The following RNGTT variants were observed in gnomAD, a reference collection of about 807,000 sequenced individuals.
The protein encoded by RNGTT is RNA guanylyltransferase and 5'-phosphatase, also known as mRNA-capping enzyme.
Under a neutral mutation model 79.3 loss-of-function variants are expected in RNGTT, and 33 were observed. The observed-to-expected ratio is 0.42, with a 90% CI of 0.32 to 0.56. The LOEUF is 0.56. RNGTT is among the 20% of genes least tolerant of loss of function. The pLI is 0.17. For synonymous variants in RNGTT, 222 were observed against 235.9 expected (o/e 0.94, Z 0.54); for missense variants, 497 against 739.1 (o/e 0.67, Z 3.80).
At chr6:88,843,132 C>T (rs1487375325) in intron 11 of RNGTT, among the ~76,000 whole-genome samples, 1 of 145,804 alleles carries the variant, frequency 6.9e-6, no homozygotes, top group Non-Finnish European at 1.5e-5. Context: ...TTACAATACA[C>T]TGCCTTGCCT....
At chr6:88,937,495 A>T (rs538317149) in intron 2 of RNGTT, among the ~76,000 whole-genome samples, 187 of 152,190 alleles carry the variant, frequency 1.2e-3, no homozygotes, top group African/African-American at 4.3e-3. Flanking sequence ...TCCTTTCAAA[A>T]AAACCAACTT....
At chr6:88,945,183 A>AAGGTATAG (rs1784969131) in intron 1 of RNGTT, among the ~76,000 whole-genome samples, 1 of 152,164 alleles carries the variant, frequency 6.6e-6, no homozygotes, top group South Asian at 2.1e-4. Context: ...CTCTATCCGA[A>AAGGTATAG]AGGTAGGAAA....
chr6:88,939,264 C>G (rs1784770559), intron 2 of RNGTT, among the ~76,000 whole-genome samples: 1 of 152,152 alleles, frequency 6.6e-6, no homozygotes, highest in African/African-American at 2.4e-5. Context: ...TTTCTGGTGT[C>G]CTATATCTCA....
At chr6:88,770,540 A>G (rs967848573) in intron 12 of RNGTT, among the ~76,000 whole-genome samples, 4 of 152,174 alleles carry the variant, frequency 2.6e-5, no homozygotes, top group African/African-American at 9.7e-5. Flanking sequence ...TTGTTTACAC[A>G]TTTACAAGGT....
chr6:88,813,829 C>T (rs1780222455), intron 11 of RNGTT, among the ~76,000 whole-genome samples: 1 of 152,174 alleles, frequency 6.6e-6, no homozygotes, highest in South Asian at 2.1e-4. Flanking sequence ...CCATCACAAG[C>T]TTTTCCCATC....
intron 8 of RNGTT, among the ~76,000 whole-genome samples, chr6:88,886,931 C>A (rs1187575377): frequency 6.6e-6 from 1 of 151,592 alleles, no homozygotes; most frequent in Non-Finnish European, 1.5e-5. Context: ...CCACTCCAGG[C>A]AGGGTTCAAT....
chr6:88,886,661 A>T (rs891532686), intron 8 of RNGTT, among the ~76,000 whole-genome samples: 3 of 152,216 alleles, frequency 2.0e-5, no homozygotes, highest in African/African-American at 7.2e-5. Context: ...AAAACTAAAG[A>T]CATCTCATTT....
At chr6:88,906,040 G>A (rs976986542) in intron 5 of RNGTT, among the ~76,000 whole-genome samples, 6 of 152,158 alleles carry the variant, frequency 3.9e-5, no homozygotes, top group African/African-American at 1.4e-4. Flanking sequence ...CCAGCTACTT[G>A]AGAGGCTGAG....
chr6:88,910,592 G>A (rs1006807149), intron 4 of RNGTT, among the ~76,000 whole-genome samples: 2 of 152,210 alleles, frequency 1.3e-5, no homozygotes, highest in Non-Finnish European at 2.9e-5. Context: ...CCACAAAAAT[G>A]TCTCCAAAGT....
intron 13 of RNGTT, among the ~76,000 whole-genome samples, chr6:88,703,444 A>G (rs867003711): frequency 1.3e-5 from 2 of 152,212 alleles, no homozygotes; most frequent in Non-Finnish European, 2.9e-5. Flanking sequence ...GAATTAACGC[A>G]GGAACAGAAA....
chr6:88,869,878 T>C (rs1240891079), intron 8 of RNGTT, among the ~76,000 whole-genome samples: 1 of 152,164 alleles, frequency 6.6e-6, no homozygotes, highest in African/African-American at 2.4e-5. Flanking sequence ...TTATATATTA[T>C]ATCCTGCAAC....
chr6:88,772,769 G>T (rs1778733865), intron 12 of RNGTT, among the ~76,000 whole-genome samples: 2 of 151,694 alleles, frequency 1.3e-5, no homozygotes, highest in Admixed American at 1.3e-4. Flanking sequence ...ACCACAATGA[G>T]ATATCATCTC....
intron 13 of RNGTT, among the ~76,000 whole-genome samples, chr6:88,703,104 A>G (rs1776000294): frequency 6.6e-6 from 1 of 152,198 alleles, no homozygotes; most frequent in Admixed American, 6.5e-5. Flanking sequence ...ACTTGGGAGG[A>G]ATGTAAAGTA....
At chr6:88,925,594 T>TAA (rs35542749) in intron 4 of RNGTT, among the ~76,000 whole-genome samples, 12 of 111,890 alleles carry the variant, frequency 1.1e-4, no homozygotes, top group East Asian at 8.7e-4. Context: ...CCTTACCTCA[T>TAA]AAAAAAAAAA....
intron 13 of RNGTT, among the ~76,000 whole-genome samples, chr6:88,754,074 G>A (rs1189527444): frequency 6.6e-6 from 1 of 152,058 alleles, no homozygotes; most frequent in Non-Finnish European, 1.5e-5. Flanking sequence ...AGAAGACAAA[G>A]ACTACTTGGA....
In RNGTT at chr6:88,613,155, C is replaced by T. The variant is rs370355704; in HGVS notation, c.1631-273G>A. 2.3e-4 allele frequency among the ~76,000 whole-genome samples: 35 copies of T among 152,326 alleles called. No homozygotes were observed. In the South Asian group the frequency reaches 6.8e-3, roughly 30 times the overall value. On this transcript the variant is annotated intron_variant, in intron 15 of 15. Transcript: ENST00000369485. The stretch of plus-strand genomic sequence containing the variant: ...CTTCCCCACGGTTTTCTATCCCTCC[C>T]AAACCAGTTTTTATGGGATTTTAAT...
intron 1 of RNGTT, among the ~76,000 whole-genome samples, chr6:88,957,640 T>C (rs1009345611): frequency 3.3e-5 from 5 of 151,740 alleles, no homozygotes; most frequent in East Asian, 3.9e-4. Context: ...AAAAAAATAA[T>C]AACAATAGAA....
chr6:88,930,152 A>G, intron 2 of RNGTT, among the ~76,000 whole-genome samples: 1 of 148,238 alleles, frequency 6.7e-6, no homozygotes, highest in South Asian at 2.1e-4. Flanking sequence ...ACATATACGT[A>G]CATACATATA....
chr6:88,787,759 G>A (rs1779280085), intron 12 of RNGTT, among the ~76,000 whole-genome samples: 1 of 152,124 alleles, frequency 6.6e-6, no homozygotes, highest in South Asian at 2.1e-4. Flanking sequence ...TCCAGCAAGA[G>A]GCAATGAATG....
Sources: allele counts gnomAD v4.1 joint callset (sites outside exome capture counted in the v4.1 genomes callset), GRCh38; gene constraint gnomAD v4.1.1; transcripts MANE v1.5; gene names NCBI Gene and HGNC (gene_info 2026-07-23, HGNC 2026-07-21).